DCC: variants seen among roughly 807,000 people sequenced by gnomAD.
DCC encodes netrin receptor DCC.
DCC carries 58 observed loss-of-function variants against 172.5 expected under a neutral mutation model. That is an observed-to-expected ratio of 0.34 (90% CI 0.27 to 0.42). The LOEUF is 0.42. Among genes scored for constraint, DCC ranks in the 10% least tolerant of loss-of-function variants. DCC has a pLI of 1.00. For missense variants in DCC, 1,740 were observed against 1,791.0 expected (o/e 0.97, Z 0.51); for synonymous variants, 709 against 644.5 (o/e 1.10, Z -1.52).
intron 1 of DCC, among the ~76,000 whole-genome samples, chr18:52,720,721 T>C (rs9962589): frequency 0.78 from 118,242 of 152,132 alleles, 46,263 homozygotes; most frequent in East Asian, 0.89. Context: ...ATGAAAATAA[T>C]TTGTATGACC....
intron 27 of DCC, among the ~76,000 whole-genome samples, chr18:53,512,241 GCTGAGGGTC>G (rs1473064963): frequency 2.0e-5 from 3 of 151,494 alleles, no homozygotes; most frequent in African/African-American, 7.3e-5. Flanking sequence ...CAGACCTGCA[GCTGAGGGTC>G]CTGTCTGTTA....
At chr18:52,857,109 T>C (rs1164434389) in intron 2 of DCC, among the ~76,000 whole-genome samples, 2 of 142,054 alleles carry the variant, frequency 1.4e-5, no homozygotes, top group Non-Finnish European at 3.2e-5. Flanking sequence ...TTTTCCATTT[T>C]GGAAAAAAAA....
chr18:53,504,455 ATGCTATAG>A (rs2046144334), intron 27 of DCC, among the ~76,000 whole-genome samples: 1 of 152,210 alleles, frequency 6.6e-6, no homozygotes, highest in Non-Finnish European at 1.5e-5. Context: ...CTTCCAATCA[ATGCTATAG>A]TGGAAAATTA....
At chr18:53,178,429 T>A (rs2055142019) in intron 8 of DCC, among the ~76,000 whole-genome samples, 1 of 152,222 alleles carries the variant, frequency 6.6e-6, no homozygotes, top group South Asian at 2.1e-4. Context: ...TTCCTTTCAC[T>A]AATTGCACTT....
chr18:52,765,207 T>TTG (rs1332906087), intron 2 of DCC, among the ~76,000 whole-genome samples: 1 of 148,682 alleles, frequency 6.7e-6, no homozygotes, highest in Non-Finnish European at 1.5e-5. Flanking sequence ...CTAATTTTTT[T>TTG]TTTTTTTTTT....
intron 25 of DCC, among the ~76,000 whole-genome samples, chr18:53,468,898 C>G (rs555220677): frequency 7.2e-5 from 11 of 152,160 alleles, no homozygotes; most frequent in East Asian, 1.9e-4. Context: ...AGTATTCATG[C>G]AGATAATCCA....
At chr18:52,610,444 C>G (rs1475423971) in intron 1 of DCC, among the ~76,000 whole-genome samples, 1 of 137,722 alleles carries the variant, frequency 7.3e-6, no homozygotes, top group Non-Finnish European at 1.6e-5. Context: ...CCTAAAATAC[C>G]TTTGGAAATA....
chr18:52,571,022 A>T (rs1453212511), intron 1 of DCC, among the ~76,000 whole-genome samples: 3 of 152,198 alleles, frequency 2.0e-5, no homozygotes, highest in Non-Finnish European at 4.4e-5. Flanking sequence ...TTTGAAATGC[A>T]CATTCTTTCC....
intron 1 of DCC, among the ~76,000 whole-genome samples, chr18:52,425,795 T>C (rs930705523): frequency 4.6e-5 from 7 of 152,114 alleles, no homozygotes; most frequent in African/African-American, 1.4e-4. Context: ...TCATAGAAAT[T>C]ATGTGACTTT....
intron 1 of DCC, among the ~76,000 whole-genome samples, chr18:52,435,643 C>T (rs1407033889): frequency 6.6e-6 from 1 of 152,156 alleles, no homozygotes; most frequent in African/African-American, 2.4e-5. Flanking sequence ...CCTGGCCTTT[C>T]CTCCTGGGCC....
intron 2 of DCC, among the ~76,000 whole-genome samples, chr18:52,887,045 G>A (rs1685326248): frequency 6.6e-6 from 1 of 152,174 alleles, no homozygotes; most frequent in South Asian, 2.1e-4. Context: ...AATCTGAGCA[G>A]GAGCAGACTG....
At chr18:52,686,376 C>A (rs1431632374) in intron 1 of DCC, among the ~76,000 whole-genome samples, 2 of 152,152 alleles carry the variant, frequency 1.3e-5, no homozygotes, top group South Asian at 2.1e-4. Flanking sequence ...GCCCTTATAG[C>A]ATATCAAGTC....
intron 27 of DCC, among the ~76,000 whole-genome samples, chr18:53,508,056 C>T (rs2046204476): frequency 2.6e-5 from 4 of 151,918 alleles, no homozygotes; most frequent in Admixed American, 2.6e-4. Context: ...CCATGCCCAG[C>T]TAATTTTTTT....
At chr18:52,708,547 T>C (rs1221447517) in intron 1 of DCC, among the ~76,000 whole-genome samples, 3 of 151,916 alleles carry the variant, frequency 2.0e-5, no homozygotes, top group South Asian at 2.1e-4. Flanking sequence ...AGGCAAAAGA[T>C]GGTGAAGTTC....
intron 1 of DCC, among the ~76,000 whole-genome samples, chr18:52,478,228 G>GA (rs1989152071): frequency 1.3e-5 from 2 of 152,062 alleles, no homozygotes; most frequent in African/African-American, 2.4e-5. Flanking sequence ...AGTACCCTAT[G>GA]GTTGTGCCCT....
Position 53,249,051 on chromosome 18 carries a change from A to G in DCC, c.1911+33454A>G, listed in dbSNP as rs562257611. ...TAGAGTTAGTCTGTATTCCTTTCAC[A>G]TGAAAAATGTCAGCATAGAAATTTT... On this transcript the variant is annotated intron_variant, in intron 12 of 28. Coordinates refer to ENST00000442544, the MANE Select transcript of DCC (RefSeq NM_005215.4). Among the ~76,000 whole-genome samples the G allele has an allele frequency of 4.0e-4, 61 of 152,094 alleles. 1 individual carries two copies. The South Asian group carries it at 0.012, about 31-fold the overall frequency.
chr18:53,016,393 C>T (rs1458166746), intron 5 of DCC, among the ~76,000 whole-genome samples: 2 of 152,018 alleles, frequency 1.3e-5, no homozygotes, highest in African/African-American at 2.4e-5. Context: ...ACATAAGCAT[C>T]ATGCATTTAG....
At chr18:52,949,661 T>C (rs1235228352) in intron 5 of DCC, among the ~76,000 whole-genome samples, 1 of 152,212 alleles carries the variant, frequency 6.6e-6, no homozygotes, top group Non-Finnish European at 1.5e-5. Context: ...TGCTTTCCTC[T>C]TGCCTTCAAA....
At chr18:53,298,457 G>C (rs2144764570) in intron 12 of DCC, among the ~76,000 whole-genome samples, 1 of 143,866 alleles carries the variant, frequency 7.0e-6, no homozygotes, top group African/African-American at 2.6e-5. Context: ...GAACCTGAGA[G>C]GTGTAGGCTG....
Sources: gnomAD v4.1 joint callset for allele counts (sites outside exome capture counted in the v4.1 genomes callset) on GRCh38, gnomAD v4.1.1 for gene constraint, MANE v1.5 for transcripts, NCBI Gene and HGNC (gene_info 2026-07-23, HGNC 2026-07-21) for gene names.